Variants in TUBGCP3 observed in about 807,000 individuals in gnomAD.
TUBGCP3 encodes the protein tubulin gamma complex component 3, also known as gamma-tubulin complex component 3.
In TUBGCP3, 50 loss-of-function variants were observed where a neutral mutation model predicts 123.1. That is an observed-to-expected ratio of 0.41 (90% CI 0.32 to 0.51). The LOEUF (loss-of-function observed/expected upper bound fraction) is 0.51, where lower values mean the gene tolerates loss of function less well. Ranked by LOEUF, TUBGCP3 falls within the 20% of genes least tolerant of loss-of-function variation. The probability of loss-of-function intolerance (pLI) is 0.36; values close to 1 mark genes in which losing one functional copy is unlikely to be tolerated. For missense variants in TUBGCP3, 882 were observed against 1,127.0 expected (o/e 0.78, Z 3.11); for synonymous variants, 405 against 413.9 (o/e 0.98, Z 0.26).
At chr13:112,502,285 G>T (rs1880960052) in intron 19 of TUBGCP3, among the ~76,000 whole-genome samples, 1 of 152,246 alleles carries the variant, frequency 6.6e-6, no homozygotes, top group Non-Finnish European at 1.5e-5. Flanking sequence ...TGGCTGCAGA[G>T]CCTGTGTCTG....
chr13:112,547,356 T>A (rs964697633), intron 10 of TUBGCP3: 6 of 456,202 alleles, frequency 1.3e-5, no homozygotes, highest in African/African-American at 1.2e-4. Context: ...TGGGCCACAC[T>A]GGCAAGTGGT....
Position 112,575,520 on chromosome 13 carries a change from G to C in TUBGCP3, c.77-6261C>G, listed in dbSNP as rs76320660. ...CACAAATACATCTGGAGACATCAAG[G>C]GGCATTTCTCAGTAATCCAAAGGGC... On this transcript the variant is annotated intron_variant, in intron 1 of 21. Transcript: ENST00000261965. 6.3e-3 allele frequency among the ~76,000 whole-genome samples: 961 copies of C among 152,216 alleles called. 9 individuals carry two copies. The highest frequency in any genetic ancestry group is 0.022 in the African/African-American group (902 of 41,520).
chr13:112,568,627 C>T (rs536793122), intron 2 of TUBGCP3, among the ~76,000 whole-genome samples: 8 of 152,362 alleles, frequency 5.3e-5, no homozygotes, highest in Admixed American at 2.0e-4. Flanking sequence ...GACAGTTTAA[C>T]GGGGAGGCCC....
At chr13:112,502,327 C>T (rs1307287963) in intron 19 of TUBGCP3, among the ~76,000 whole-genome samples, 3 of 152,176 alleles carry the variant, frequency 2.0e-5, no homozygotes, top group East Asian at 1.9e-4. Flanking sequence ...TGAGACAGGC[C>T]GTGCTGGCCA....
At chr13:112,489,466 C>T (rs1879926561) in intron 21 of TUBGCP3, 115 bp downstream of exon 21, 1 of 789,980 alleles carries the variant, frequency 1.3e-6, no homozygotes, top group Non-Finnish European at 2.2e-6. Flanking sequence ...CACACCTACA[C>T]AAATAAGTGT....
At chr13:112,514,078 G>A (rs1337046995) in intron 17 of TUBGCP3, among the ~76,000 whole-genome samples, 1 of 152,166 alleles carries the variant, frequency 6.6e-6, no homozygotes, top group African/African-American at 2.4e-5. Flanking sequence ...AAACAGGTGA[G>A]CACAGTACGG....
At chr13:112,560,004 C>T (rs1035210274) in intron 3 of TUBGCP3, among the ~76,000 whole-genome samples, 4 of 152,042 alleles carry the variant, frequency 2.6e-5, no homozygotes, top group Non-Finnish European at 5.9e-5. Context: ...CGTGGTATCA[C>T]GCACCTGTAG....
intron 17 of TUBGCP3, among the ~76,000 whole-genome samples, chr13:112,507,556 T>C (rs1264094568): frequency 6.6e-6 from 1 of 152,232 alleles, no homozygotes; most frequent in Non-Finnish European, 1.5e-5. Flanking sequence ...AAATTTTTTG[T>C]GGCTATTCTC....
At chr13:112,605,061 C>G in the TUBGCP3 span, 1 of 152,164 alleles carries the variant, frequency 6.6e-6, no homozygotes, top group Non-Finnish European at 1.5e-5. Flanking sequence ...AATCCCAGCA[C>G]TTTGGAAGGC....
intron 17 of TUBGCP3, among the ~76,000 whole-genome samples, chr13:112,512,815 T>C (rs193039082): frequency 3.3e-5 from 5 of 152,338 alleles, no homozygotes; most frequent in Admixed American, 3.3e-4. Flanking sequence ...TAACATTCTC[T>C]TAAGAGCCCT....
chr13:112,521,715 T>C (rs1876640430), intron 14 of TUBGCP3: 1 of 985,304 alleles, frequency 1.0e-6, no homozygotes, highest in Non-Finnish European at 1.2e-6. Context: ...TTCTAAACAC[T>C]TGGGTGAAAA....
chr13:112,506,559 A>T (rs1175633899), intron 17 of TUBGCP3, among the ~76,000 whole-genome samples: 1 of 152,180 alleles, frequency 6.6e-6, no homozygotes, highest in Non-Finnish European at 1.5e-5. Flanking sequence ...CATCTGTCTC[A>T]TGGGGCTCCT....
intron 11 of TUBGCP3, among the ~76,000 whole-genome samples, chr13:112,528,681 G>A (rs1877326136): frequency 6.6e-6 from 1 of 151,896 alleles, no homozygotes; most frequent in African/African-American, 2.4e-5. Context: ...TTATAGTATG[G>A]TCCATATTTT....
chr13:112,593,973 G>A, the TUBGCP3 span, among the ~76,000 whole-genome samples: 1 of 152,146 alleles, frequency 6.6e-6, no homozygotes, highest in African/African-American at 2.4e-5. Context: ...TAAATTATGA[G>A]CACTGACCAA....
chr13:112,496,687 C>G lies in TUBGCP3; in HGVS notation c.2448+2358G>C, dbSNP rs73566319. Among the ~76,000 whole-genome samples the G allele has an allele frequency of 8.9e-3, 1,358 of 152,272 alleles. 18 individuals are homozygous for G. The highest frequency in any genetic ancestry group is 0.031 in the African/African-American group (1,290 of 41,556). On this transcript the variant is annotated intron_variant, in intron 20 of 21. Coordinates refer to ENST00000261965, the MANE Select transcript of TUBGCP3 (RefSeq NM_006322.6). ...CCAGCGGACACGCCATTAGCACAGG[C>G]TTAAAATCCGAAGGAGTGGCCGGGC... is the stretch of plus-strand genomic sequence containing the variant.
intron 1 of TUBGCP3, chr13:112,583,891 T>G (rs936373572): frequency 1.3e-5 from 2 of 152,208 alleles, no homozygotes; most frequent in East Asian, 1.9e-4. Context: ...CAAGTCAGAG[T>G]AACTTATCAC....
At chr13:112,520,517 G>A (rs1244833999) in intron 14 of TUBGCP3, among the ~76,000 whole-genome samples, 4 of 151,782 alleles carry the variant, frequency 2.6e-5, no homozygotes, top group Admixed American at 6.6e-5. Context: ...CAGACAGAGC[G>A]AGACTCCATC....
At chr13:112,574,833 T>C (rs1271687329) in intron 1 of TUBGCP3, among the ~76,000 whole-genome samples, 1 of 152,230 alleles carries the variant, frequency 6.6e-6, no homozygotes, top group East Asian at 1.9e-4. Flanking sequence ...CTGTTTGCTG[T>C]TTACTGCACC....
intron 2 of TUBGCP3, among the ~76,000 whole-genome samples, chr13:112,566,215 A>G (rs9635120): frequency 0.15 from 22,987 of 152,204 alleles, 2,068 homozygotes; most frequent in Non-Finnish European, 0.21. Context: ...TCACATTTAC[A>G]ACACTGCAAA....
Sources: gnomAD v4.1 joint callset for allele counts (sites outside exome capture counted in the v4.1 genomes callset) on GRCh38, gnomAD v4.1.1 for gene constraint, MANE v1.5 for transcripts, NCBI Gene and HGNC (gene_info 2026-07-23, HGNC 2026-07-21) for gene names.